Variants in GNA12 observed in about 807,000 individuals in gnomAD.
The protein encoded by GNA12 is G protein subunit alpha 12.
GNA12 carries 9 observed loss-of-function variants against 26.0 expected under a neutral mutation model. The ratio of observed to expected loss-of-function variants is 0.35; its 90% confidence interval spans 0.21 to 0.60. GNA12 has a LOEUF of 0.60. Among genes scored for constraint, GNA12 ranks in the 20% least tolerant of loss-of-function variants. The probability of loss-of-function intolerance (pLI) is 0.78; values close to 1 mark genes in which losing one functional copy is unlikely to be tolerated. For synonymous variants in GNA12, 264 were observed against 219.6 expected (o/e 1.20, Z -1.79); for missense variants, 405 against 525.8 (o/e 0.77, Z 2.25).
At chr7:2,771,183 C>T (rs963966673) in intron 2 of GNA12, among the ~76,000 whole-genome samples, 3 of 151,972 alleles carry the variant, frequency 2.0e-5, no homozygotes, top group Admixed American at 6.6e-5. Context: ...CCCAGCTACT[C>T]GGGAGGCCGG....
intron 2 of GNA12, among the ~76,000 whole-genome samples, chr7:2,777,078 C>T (rs1274142262): frequency 2.0e-5 from 3 of 152,114 alleles, no homozygotes; most frequent in Non-Finnish European, 4.4e-5. Context: ...AAATACAGCC[C>T]CCTAGTCCTG....
intron 1 of GNA12, among the ~76,000 whole-genome samples, chr7:2,830,700 C>T (rs2114972670): frequency 6.6e-6 from 1 of 152,358 alleles, no homozygotes; most frequent in South Asian, 2.1e-4. Context: ...GAGAATCCCA[C>T]CCATCAGAGT....
chr7:2,763,320 G>C (rs1015656406), intron 2 of GNA12: 4 of 169,220 alleles, frequency 2.4e-5, no homozygotes, highest in Non-Finnish European at 3.7e-5. Flanking sequence ...GCTTGCTGAC[G>C]GCACAAATGC....
At chr7:2,738,347 C>A (rs1356808389) in intron 2 of GNA12, among the ~76,000 whole-genome samples, 3 of 152,140 alleles carry the variant, frequency 2.0e-5, no homozygotes, top group African/African-American at 7.2e-5. Flanking sequence ...CAGGCACAAG[C>A]TGTCACTGCA....
rs368873998 is a variant in GNA12 at position 2,798,873 on chromosome 7, GC to G, written c.310-3731del. ...ACAGCTAGGTAATTTTTGTAAAAGT[GC>G]AAAAGCAATTAAAAAGAGGAAGCCT... On this transcript the variant is annotated intron_variant, in intron 1 of 3. Coordinates refer to ENST00000275364, the MANE Select transcript of GNA12 (RefSeq NM_007353.3). Among the ~76,000 whole-genome samples the G allele has an allele frequency of 8.4e-4, 125 of 148,926 alleles. 3 individuals are homozygous for G. In the South Asian group the frequency reaches 0.026, roughly 31 times the overall value.
rs1778910716 is a variant in GNA12, at chr7:2,838,902, T to C, written c.309+4951A>G. On this transcript the variant is annotated intron_variant, in intron 1 of 3. Transcript: ENST00000275364. Reference sequence around the variant, plus strand: ...ACCTCAAAATACAGGAAACAAAAACTGATAGAGCTAAAGAAGAAATAGACA... The same window carrying C: ...ACCTCAAAATACAGGAAACAAAAACCGATAGAGCTAAAGAAGAAATAGACA... Among the ~76,000 whole-genome samples the C allele has an allele frequency of 2.0e-5, 3 of 152,280 alleles. 1 individual carries two copies. In the South Asian group the frequency reaches 6.2e-4, roughly 32 times the overall value.
intron 2 of GNA12, among the ~76,000 whole-genome samples, chr7:2,758,188 G>C (rs1458133974): frequency 1.3e-5 from 2 of 152,074 alleles, no homozygotes; most frequent in African/African-American, 4.8e-5. Context: ...CCCAACTATC[G>C]ATGCTTACAG....
At position 2,791,054 on chromosome 7, in the gene GNA12, A is replaced by G. The variant is rs117002466; in HGVS notation, c.525+3874T>C. Among the ~76,000 whole-genome samples the G allele has an allele frequency of 9.6e-3, 1,456 of 152,342 alleles. 10 individuals carry two copies. The highest frequency in any genetic ancestry group is 0.075 in the Middle Eastern group (22 of 294). On this transcript the variant is annotated intron_variant, in intron 2 of 3. Coordinates refer to ENST00000275364, the MANE Select transcript of GNA12 (RefSeq NM_007353.3). ...CATCCACATTTGTAGTATGTAGGCA[A>G]TATCATCCACATACTATATTATAAG...
chr7:2,783,819 G>C (rs1172744354), intron 2 of GNA12, among the ~76,000 whole-genome samples: 1 of 151,818 alleles, frequency 6.6e-6, no homozygotes. Context: ...CGAGTAGGTG[G>C]GATTACAGGC....
chr7:2,784,014 G>C (rs1034779403), intron 2 of GNA12, among the ~76,000 whole-genome samples: 13 of 152,126 alleles, frequency 8.5e-5, no homozygotes, highest in South Asian at 2.1e-4. Context: ...ATTTTATCTA[G>C]CATTTTAAAT....
chr7:2,750,911 G>A (rs532371132), intron 2 of GNA12, among the ~76,000 whole-genome samples: 1 of 152,318 alleles, frequency 6.6e-6, no homozygotes, highest in Non-Finnish European at 1.5e-5. Flanking sequence ...AAGGTGGACA[G>A]ATGGGAACAG....
At position 2,832,113 on chromosome 7, in the gene GNA12, G is replaced by A. The variant is rs898999795; in HGVS notation, c.309+11740C>T. On this transcript the variant is annotated intron_variant, in intron 1 of 3. Coordinates refer to ENST00000275364, the MANE Select transcript of GNA12 (RefSeq NM_007353.3). ...CCCAAATCCCTGATTTTGGCCCCAG[G>A]ACATCGTTAGACTAGTCCAGGTGGA... Among the ~76,000 whole-genome samples the A allele has an allele frequency of 3.9e-5, 6 of 152,184 alleles. No individual in the cohort carries two copies. The East Asian group carries it at 9.6e-4, about 24-fold the overall frequency.
intron 1 of GNA12, among the ~76,000 whole-genome samples, chr7:2,839,865 G>A (rs528005187): frequency 5.9e-5 from 9 of 152,166 alleles, no homozygotes; most frequent in African/African-American, 1.9e-4. Context: ...TGGACGTGGT[G>A]GTGGGCGCCT....
chr7:2,804,657 G>T (rs1792899966), intron 1 of GNA12, among the ~76,000 whole-genome samples: 1 of 152,204 alleles, frequency 6.6e-6, no homozygotes, highest in African/African-American at 2.4e-5. Flanking sequence ...GTGTCACTAG[G>T]TTGGTTTTCA....
intron 2 of GNA12, among the ~76,000 whole-genome samples, chr7:2,751,235 A>G (rs1325468301): frequency 1.3e-5 from 2 of 151,954 alleles, no homozygotes; most frequent in African/African-American, 4.8e-5. Flanking sequence ...AAAACCCCAA[A>G]GTTAGCCGAG....
intron 1 of GNA12, among the ~76,000 whole-genome samples, chr7:2,798,290 A>G (rs557072820): frequency 6.6e-6 from 1 of 152,292 alleles, no homozygotes; most frequent in Admixed American, 6.5e-5. Flanking sequence ...ATCCCAAAGT[A>G]ATCTACCAAA....
chr7:2,773,315 G>C (rs1480365134), intron 2 of GNA12, among the ~76,000 whole-genome samples: 4 of 152,204 alleles, frequency 2.6e-5, no homozygotes. Context: ...TGTAATCCCA[G>C]CACTTTGGGA....
chr7:2,820,181 A>G (rs1793317818), intron 1 of GNA12, among the ~76,000 whole-genome samples: 1 of 152,172 alleles, frequency 6.6e-6, no homozygotes. Context: ...GCGTCGAGAG[A>G]AATCCACGGT....
At chr7:2,767,198 T>C (rs1791829735) in intron 2 of GNA12, among the ~76,000 whole-genome samples, 2 of 152,218 alleles carry the variant, frequency 1.3e-5, no homozygotes, top group Non-Finnish European at 2.9e-5. Context: ...GCCTTCTCAC[T>C]CTGTTGATTG....
Sources: allele counts gnomAD v4.1 joint callset (sites outside exome capture counted in the v4.1 genomes callset), GRCh38; gene constraint gnomAD v4.1.1; transcripts MANE v1.5; gene names NCBI Gene and HGNC (gene_info 2026-07-23, HGNC 2026-07-21).